ZFC3H1: variants seen among roughly 807,000 people sequenced by gnomAD.
ZFC3H1 encodes zinc finger C3H1 domain-containing protein.
In ZFC3H1, 71 loss-of-function variants were observed where a neutral mutation model predicts 243.7. The ratio of observed to expected loss-of-function variants is 0.29; its 90% CI spans 0.24 to 0.36. The LOEUF (loss-of-function observed/expected upper bound fraction) is 0.36, where lower values mean the gene tolerates loss of function less well. ZFC3H1 is among the 10% of genes least tolerant of loss of function. The pLI is 1.00. For missense variants in ZFC3H1, 1,966 were observed against 2,317.1 expected, an observed-to-expected ratio of 0.85 and a Z score of 3.11; for synonymous variants, 838 against 813.0, an observed-to-expected ratio of 1.03 and a Z score of -0.52.
At chr12:71,624,834 G>A (rs569337658) in intron 22 of ZFC3H1, among the ~76,000 whole-genome samples, 1 of 152,298 alleles carries the variant, frequency 6.6e-6, no homozygotes, top group East Asian at 1.9e-4. Context: ...AGGCACGGTG[G>A]TGCATGCCTG....
In ZFC3H1 at chr12:71,623,611, A is replaced by T; in HGVS notation, c.4507-14T>A. The stretch of plus-strand genomic sequence containing the variant: ...TTTCAATGCATTCTAGGCAAAATTT[A>T]AAATTTTTTGATAAAAAAATTAGAG... On this transcript the variant is annotated splice_polypyrimidine_tract_variant and intron_variant, in intron 23 of 34. Transcript: ENST00000378743. 6.4e-7 allele frequency: 1 copy of T among 1,568,272 alleles called. No individual in the cohort carries two copies. Among genetic ancestry groups the T allele is most frequent in the Non-Finnish European group, 8.6e-7 (1 of 1,160,794 alleles).
intron 26 of ZFC3H1, among the ~76,000 whole-genome samples, 169 bp from the exon 27 acceptor site, chr12:71,619,578 A>G (rs955415476): frequency 1.3e-5 from 2 of 152,022 alleles, no homozygotes; most frequent in African/African-American, 4.8e-5. Flanking sequence ...TTTATATTTT[A>G]CTCTCTGAAT....
chr12:71,620,154 G>T (rs1467820755), intron 25 of ZFC3H1, 30 bp from the exon 26 acceptor site: 1 of 1,610,782 alleles, frequency 6.2e-7, no homozygotes, highest in African/African-American at 1.3e-5. Flanking sequence ...AAAGGCTAAA[G>T]ACATGAAAAG....
At chr12:71,642,603 T>G (rs748223444) in intron 5 of ZFC3H1, 44 bp from the exon 6 acceptor site, 1 of 1,570,860 alleles carries the variant, frequency 6.4e-7, no homozygotes, top group Non-Finnish European at 8.6e-7. Context: ...TTTTCTGTCT[T>G]GGGTTACAAA....
At position 71,628,910 on chromosome 12, in the gene ZFC3H1, C is replaced by T. The variant is rs1443785954; in HGVS notation, c.3946+8G>A. The T allele has an allele frequency of 6.3e-7, 1 of 1,583,322 alleles. No homozygotes were observed. The highest frequency in any genetic ancestry group is 8.6e-7 in the Non-Finnish European group (1 of 1,169,424). On this transcript the variant is annotated splice_region_variant and intron_variant, in intron 20 of 34. Coordinates refer to ENST00000378743, the MANE Select transcript of ZFC3H1 (RefSeq NM_144982.5). Reference sequence around the variant, plus strand: ...TAATTCTGGATCTTAAATTACATAACTTCTTACCATACTTAATTGGTCCTG... The same window carrying T: ...TAATTCTGGATCTTAAATTACATAATTTCTTACCATACTTAATTGGTCCTG...
At chr12:71,646,281 T>A (rs189944014) in intron 3 of ZFC3H1, among the ~76,000 whole-genome samples, 1 of 152,348 alleles carries the variant, frequency 6.6e-6, no homozygotes, top group Admixed American at 6.5e-5. Flanking sequence ...GGTTCTTTTT[T>A]AAATTCTACG....
chr12:71,628,395 G>A (rs1443449195), intron 20 of ZFC3H1, among the ~76,000 whole-genome samples: 1 of 152,154 alleles, frequency 6.6e-6, no homozygotes, highest in Non-Finnish European at 1.5e-5. Context: ...ACATCTCTTG[G>A]ATACTTGCTA....
chr12:71,640,720 C>T (rs2137544498), intron 6 of ZFC3H1, among the ~76,000 whole-genome samples: 1 of 152,262 alleles, frequency 6.6e-6, no homozygotes, highest in Non-Finnish European at 1.5e-5. Flanking sequence ...CCGGGACCAC[C>T]CCATCATTTT....
At chr12:71,662,822 T>C (rs1881219987) in intron 1 of ZFC3H1, among the ~76,000 whole-genome samples, 191 bp downstream of exon 1, 2 of 152,150 alleles carry the variant, frequency 1.3e-5, no homozygotes, top group Non-Finnish European at 2.9e-5. Flanking sequence ...ATATACCCAA[T>C]GAAGCAGTCT....
chr12:71,623,348 C>A lies in ZFC3H1; in HGVS notation c.4744+12G>T. On this transcript the variant is annotated intron_variant, in intron 24 of 34. Coordinates refer to ENST00000378743, the MANE Select transcript of ZFC3H1 (RefSeq NM_144982.5). Reference sequence around the variant, plus strand: ...AACAGTTGATATTACAATTTATAAACTTTATACTTACCTTCAAAAACTGCT... The same window carrying A: ...AACAGTTGATATTACAATTTATAAAATTTATACTTACCTTCAAAAACTGCT... 6.3e-7 allele frequency: 1 copy of A among 1,589,038 alleles called. No individual in the cohort carries two copies.
At chr12:71,634,515 C>T (rs1036382369) in intron 11 of ZFC3H1, among the ~76,000 whole-genome samples, 189 bp downstream of exon 11, 2 of 152,096 alleles carry the variant, frequency 1.3e-5, no homozygotes, top group Admixed American at 1.3e-4. Context: ...CTGGTTATGT[C>T]CTAGCACATC....
At chr12:71,638,374 A>G (rs1327017515) in intron 7 of ZFC3H1, 44 bp downstream of exon 7, 1 of 1,566,832 alleles carries the variant, frequency 6.4e-7, no homozygotes, top group East Asian at 2.3e-5. Context: ...CAAATTAGAA[A>G]AGACAAGACA....
chr12:71,633,499 A>T (rs1361592787), intron 12 of ZFC3H1, 61 bp from the exon 13 acceptor site: 14 of 1,400,698 alleles, frequency 1.0e-5, no homozygotes, highest in Non-Finnish European at 1.3e-5. Flanking sequence ...CTGTCAGAAT[A>T]AAAAAATTTT....
chr12:71,645,804 T>A (rs1045659671), intron 3 of ZFC3H1, among the ~76,000 whole-genome samples: 2 of 152,206 alleles, frequency 1.3e-5, no homozygotes, highest in African/African-American at 4.8e-5. Flanking sequence ...TCGAAATAGT[T>A]TAAAAAATTA....
intron 24 of ZFC3H1, among the ~76,000 whole-genome samples, chr12:71,622,334 C>T (rs1474368351): frequency 6.6e-6 from 1 of 152,198 alleles, no homozygotes; most frequent in Non-Finnish European, 1.5e-5. Context: ...AGCCATGCTT[C>T]GACATCTAGC....
rs185632068 is a variant in ZFC3H1, at chr12:71,655,822, G to A, written c.1015+1063C>T. ...ACTAAAAACTGTCAAGGAAAAAGAG[G>A]GGGGGGAAATTACAGGCTCTGAACA... On this transcript the variant is annotated intron_variant, in intron 2 of 34. Coordinates refer to ENST00000378743, the MANE Select transcript of ZFC3H1 (RefSeq NM_144982.5). Among the ~76,000 whole-genome samples the A allele has an allele frequency of 2.0e-5, 3 of 151,986 alleles. No homozygotes were observed. In the South Asian group the frequency reaches 6.2e-4, roughly 32 times the overall value.
rs1880634589 is a variant in ZFC3H1 at position 71,642,885 on chromosome 12, TAAGA to T, written c.1504-330_1504-327del. On this transcript the variant is annotated intron_variant, in intron 5 of 34. Coordinates refer to ENST00000378743, the MANE Select transcript of ZFC3H1 (RefSeq NM_144982.5). ...TGTACACTTATGACTTCTGTATGAT[TAAGA>T]AACTAGAGGAATACAAAAACAAGTT... 2.0e-5 allele frequency among the ~76,000 whole-genome samples: 3 copies of T among 152,202 alleles called. No homozygotes were observed. In the South Asian group the frequency reaches 6.2e-4, roughly 31 times the overall value.
intron 7 of ZFC3H1, among the ~76,000 whole-genome samples, chr12:71,637,603 T>G (rs1394025585): frequency 6.6e-6 from 1 of 152,200 alleles, no homozygotes; most frequent in Non-Finnish European, 1.5e-5. Context: ...TCCCTAAATT[T>G]GGATATGTAT....
chr12:71,649,450 TCA>T (rs1457061155), intron 2 of ZFC3H1, among the ~76,000 whole-genome samples: 1 of 152,254 alleles, frequency 6.6e-6, no homozygotes, highest in East Asian at 1.9e-4. Flanking sequence ...CTTTAATATT[TCA>T]CACTTTTTTT....
Sources: gnomAD v4.1 joint callset for allele counts (sites outside exome capture counted in the v4.1 genomes callset) on GRCh38, gnomAD v4.1.1 for gene constraint, MANE v1.5 for transcripts, NCBI Gene and HGNC (gene_info 2026-07-23, HGNC 2026-07-21) for gene names.